The following ATP9B variants were observed in gnomAD, a reference collection of about 807,000 sequenced individuals.
ATP9B encodes ATPase phospholipid transporting 9B.
In ATP9B, 110 loss-of-function variants were observed where a neutral mutation model predicts 146.1. The ratio of observed to expected loss-of-function variants is 0.75; its 90% CI spans 0.65 to 0.88. The LOEUF (loss-of-function observed/expected upper bound fraction) is 0.88, where lower values mean the gene tolerates loss of function less well. ATP9B is among the 40% of genes least tolerant of loss of function. The probability of loss-of-function intolerance (pLI) is 0.00; values close to 1 mark genes in which losing one functional copy is unlikely to be tolerated. For synonymous variants in ATP9B, 604 were observed against 569.7 expected (o/e 1.06, Z -0.86); for missense variants, 1,499 against 1,496.4 (o/e 1.00, Z -0.03).
In ATP9B at chr18:79,237,551, AT is replaced by A. The variant is rs2095853050; in HGVS notation, c.1108-15825del. On this transcript the variant is annotated intron_variant, in intron 11 of 29. Coordinates refer to ENST00000426216, the MANE Select transcript of ATP9B (RefSeq NM_198531.5). ...GTCTATAGATCTTCAGAGATAATTAATTTTTATAATATTAAGTCTTTTAGTC... is the reference window on the plus strand; with the variant it reads ...GTCTATAGATCTTCAGAGATAATTAATTTTATAATATTAAGTCTTTTAGTC... Among the ~76,000 whole-genome samples the A allele has an allele frequency of 2.0e-5, 3 of 152,310 alleles. No homozygotes were observed. The South Asian group carries it at 6.2e-4, about 32-fold the overall frequency.
chr18:79,087,030 T>C (rs1197204379), intron 1 of ATP9B, among the ~76,000 whole-genome samples: 1 of 152,204 alleles, frequency 6.6e-6, no homozygotes, highest in Non-Finnish European at 1.5e-5. Flanking sequence ...AGAACAGAAA[T>C]TTATTTCTCA....
rs2095871367 is a variant in ATP9B, at chr18:79,239,661, G to C, written c.1108-13720G>C. 6.6e-6 allele frequency among the ~76,000 whole-genome samples: 1 copy of C among 152,128 alleles called. No homozygotes were observed. Among genetic ancestry groups the C allele is most frequent in the South Asian group, 2.1e-4 (1 of 4,826 alleles). On this transcript the variant is annotated intron_variant, in intron 11 of 29. Coordinates refer to ENST00000426216, the MANE Select transcript of ATP9B (RefSeq NM_198531.5). The surrounding 1 kb of genome is among the most constrained non-coding windows in gnomAD (Gnocchi z 5.1). Reference sequence around the variant, plus strand: ...CATCATTGTGCAAGAGGTAGCTGAGGACCAGGGCTTATTTCAGGCACTTGA... The same window carrying C: ...CATCATTGTGCAAGAGGTAGCTGAGCACCAGGGCTTATTTCAGGCACTTGA...
At position 79,370,163 on chromosome 18, in the gene ATP9B, G is replaced by T. The variant is rs184525117; in HGVS notation, c.3013-2662G>T. ...ATTTTTTACAATTTTTGGTATGATA[G>T]AAATATACTTTCTGAATCCGTAATA... On this transcript the variant is annotated intron_variant, in intron 26 of 29. Transcript: ENST00000426216. Among the ~76,000 whole-genome samples the T allele has an allele frequency of 7.9e-5, 12 of 152,316 alleles. No individual in the cohort carries two copies. The East Asian group carries it at 2.3e-3, about 29-fold the overall frequency.
chr18:79,085,962 G>C (rs1282989446), intron 1 of ATP9B: 2 of 151,560 alleles, frequency 1.3e-5, no homozygotes, highest in East Asian at 1.9e-4. Context: ...AATTATGATA[G>C]TCTAATATTT....
chr18:79,210,029 C>A (rs959045436), intron 10 of ATP9B, among the ~76,000 whole-genome samples: 1 of 152,138 alleles, frequency 6.6e-6, no homozygotes, highest in Non-Finnish European at 1.5e-5. Context: ...TGCTTCCTCC[C>A]CATCCCTAGA....
chr18:79,231,803 T>TATACACACACAC (rs569726473), intron 11 of ATP9B, among the ~76,000 whole-genome samples: 5 of 114,756 alleles, frequency 4.4e-5, no homozygotes, highest in African/African-American at 1.4e-4. Context: ...TATATATATA[T>TATACACACACAC]ACACACACAC....
At chr18:79,295,576 A>G (rs2096541946) in intron 13 of ATP9B, among the ~76,000 whole-genome samples, 1 of 152,194 alleles carries the variant, frequency 6.6e-6, no homozygotes, top group South Asian at 2.1e-4. Flanking sequence ...TTAAATTTTT[A>G]TATGTGTCAT....
At chr18:79,190,787 C>A (rs1199468932) in intron 8 of ATP9B, among the ~76,000 whole-genome samples, 1 of 152,158 alleles carries the variant, frequency 6.6e-6, no homozygotes, top group African/African-American at 2.4e-5. Flanking sequence ...CTCATGTGAT[C>A]CACCTGCCAC....
At chr18:79,253,624 A>C in intron 12 of ATP9B, 83 bp downstream of exon 12, 1 of 1,379,700 alleles carries the variant, frequency 7.2e-7, no homozygotes, top group Admixed American at 2.6e-5. Context: ...AGTATGAAAG[A>C]AATTACCCAA....
In ATP9B at chr18:79,345,438, A is replaced by G. The variant is rs766466044; in HGVS notation, c.2483A>G (p.Lys828Arg). The change falls in exon 22 of 30, where the codon AAG becomes AGG. Residue 828 changes from lysine to arginine, a missense_variant. Lys to Arg is a conservative substitution (Grantham distance 26). Coordinates refer to ENST00000426216, the MANE Select transcript of ATP9B (RefSeq NM_198531.5). ...ISGDSLEVCL[K>R]YYEHEFVELA... Reference sequence around the variant, plus strand: ...GGCTTTGTTTTCCAGGTTTGTCTAAAGTACTACGAGCATGAATTTGTGGAG... The same window carrying G: ...GGCTTTGTTTTCCAGGTTTGTCTAAGGTACTACGAGCATGAATTTGTGGAG... The G allele has an allele frequency of 3.7e-5, 60 of 1,613,878 alleles. No homozygotes were observed. The highest frequency in any genetic ancestry group is 5.0e-5 in the Non-Finnish European group (59 of 1,180,008).
intron 26 of ATP9B, chr18:79,361,868 C>T (rs933766245): frequency 1.1e-6 from 1 of 910,512 alleles, no homozygotes; most frequent in East Asian, 1.2e-4. Context: ...CCCAGTCCGT[C>T]GGCTCAAGCT....
At chr18:79,135,629 C>T (rs553045928) in intron 5 of ATP9B, among the ~76,000 whole-genome samples, 1 of 152,122 alleles carries the variant, frequency 6.6e-6, no homozygotes, top group African/African-American at 2.4e-5. Flanking sequence ...CATTCCTAGC[C>T]CCTTCGATCT....
chr18:79,180,472 G>A (rs1413088839), intron 8 of ATP9B, among the ~76,000 whole-genome samples: 1 of 152,054 alleles, frequency 6.6e-6, no homozygotes, highest in Non-Finnish European at 1.5e-5. Context: ...GATGCCCATG[G>A]CTTCCTTCCC....
rs1320423868 is a variant in ATP9B, at chr18:79,239,889, T to A, written c.1108-13492T>A. Among the ~76,000 whole-genome samples the A allele has an allele frequency of 3.3e-5, 5 of 152,194 alleles. No homozygotes were observed. The highest frequency in any genetic ancestry group is 7.3e-5 in the Non-Finnish European group (5 of 68,032). On this transcript the variant is annotated intron_variant, in intron 11 of 29. Transcript: ENST00000426216. This position sits in a 1 kb window ranked among gnomAD's most constrained non-coding sequence, Gnocchi z 5.1. ...GAGCATGGTTCCTGAGGGCTAAGCG[T>A]TCCCAAAGGATGAGCGGAGAGGCTT...
chr18:79,091,878 A>G (rs1174569835), intron 1 of ATP9B, among the ~76,000 whole-genome samples: 4 of 151,868 alleles, frequency 2.6e-5, no homozygotes, highest in South Asian at 2.1e-4. Context: ...GGATTTGTCT[A>G]TTTTTCTTTC....
intron 24 of ATP9B, 89 bp from the exon 25 acceptor site, chr18:79,348,043 C>G (rs1243510138): frequency 2.5e-6 from 4 of 1,602,664 alleles, no homozygotes; most frequent in African/African-American, 1.4e-5. Flanking sequence ...CTGGGCTGTG[C>G]TTAGGAGTTA....
rs2097110037 is a variant in ATP9B, at chr18:79,377,802, TG to T, written c.*421del. ...CAAGCCCAGGGCACAGATGCCGGGA[TG>T]GCCCCTCCCTCTCAGTGCGGGAACG... On this transcript the variant is annotated 3_prime_UTR_variant, in exon 30 of 30. Coordinates refer to ENST00000426216, the MANE Select transcript of ATP9B (RefSeq NM_198531.5). 6.5e-6 allele frequency: 1 copy of T among 153,060 alleles called. No individual in the cohort carries two copies. Among genetic ancestry groups the T allele is most frequent in the African/African-American group, 2.8e-5 (1 of 35,550 alleles). 9.5% of individuals were successfully genotyped at this position (153,060 alleles called of 1,614,324 possible).
At chr18:79,179,495 A>G (rs1316509924) in intron 8 of ATP9B, among the ~76,000 whole-genome samples, 4 of 152,268 alleles carry the variant, frequency 2.6e-5, no homozygotes, top group South Asian at 2.1e-4. Flanking sequence ...ATTTAGTTAA[A>G]AAATCATTTT....
rs765681219 is a variant in ATP9B, at chr18:79,207,029, C to T, written c.1030+17C>T. On this transcript the variant is annotated intron_variant, in intron 10 of 29. Transcript: ENST00000426216. ...TTGCATCAGGTAAGGAAAACATTCT[C>T]CTCTGAGTGTGATTGCTCCCGGATA... The T allele has an allele frequency of 1.9e-6, 3 of 1,608,614 alleles. No individual in the cohort carries two copies. The Admixed American group carries it at 5.0e-5, about 27-fold the overall frequency.
Sources: gnomAD v4.1 joint callset for allele counts (sites outside exome capture counted in the v4.1 genomes callset) on GRCh38, gnomAD v4.1.1 for gene constraint, Gnocchi (gnomAD v3.1) non-coding constraint, MANE v1.5 for transcripts, NCBI Gene and HGNC (gene_info 2026-07-23, HGNC 2026-07-21) for gene names.